Variants in CERS3 observed in about 807,000 individuals in gnomAD.
CERS3 encodes ceramide synthase 3.
Under a neutral mutation model 50.3 loss-of-function variants are expected in CERS3, and 33 were observed. That is an observed-to-expected ratio of 0.66 (90% CI 0.50 to 0.88). The LOEUF (loss-of-function observed/expected upper bound fraction) is 0.88. Among genes scored for constraint, CERS3 ranks in the 40% least tolerant of loss-of-function variants. The pLI, the probability that CERS3 is intolerant of heterozygous loss-of-function variation, is 0.00. For missense variants in CERS3, 470 were observed against 460.3 expected (o/e 1.02, Z -0.19); for synonymous variants, 176 against 155.2 (o/e 1.13, Z -0.99).
At chr15:100,498,514 A>C (rs1387106695) in intron 3 of CERS3, among the ~76,000 whole-genome samples, 1 of 152,182 alleles carries the variant, frequency 6.6e-6, no homozygotes. Flanking sequence ...TGAGAGGAAG[A>C]AAAAAGAATG....
chr15:100,517,050 G>C (rs926823509), intron 2 of CERS3, among the ~76,000 whole-genome samples: 1 of 152,214 alleles, frequency 6.6e-6, no homozygotes, highest in Non-Finnish European at 1.5e-5. Flanking sequence ...TCCTCACAGA[G>C]CCTGAAAGCT....
chr15:100,458,721 C>T (rs905049737), intron 10 of CERS3, among the ~76,000 whole-genome samples: 38 of 152,100 alleles, frequency 2.5e-4, no homozygotes, highest in African/African-American at 2.2e-4. Context: ...TTTTGTTAAA[C>T]GATTTAGGAT....
intron 3 of CERS3, among the ~76,000 whole-genome samples, chr15:100,498,228 T>C (rs932917154): frequency 7.2e-5 from 11 of 152,150 alleles, no homozygotes; most frequent in African/African-American, 2.7e-4. Flanking sequence ...AGAGTATAGA[T>C]ATAAATGTAG....
intron 11 of CERS3, among the ~76,000 whole-genome samples, chr15:100,444,440 C>T (rs942094956): frequency 5.6e-4 from 84 of 151,256 alleles, no homozygotes; most frequent in African/African-American, 1.9e-3. Context: ...CATTTCCCCA[C>T]ATTTCCTTCT....
chr15:100,420,546 A>C (rs1310984316), intron 11 of CERS3, among the ~76,000 whole-genome samples: 1 of 152,056 alleles, frequency 6.6e-6, no homozygotes, highest in Non-Finnish European at 1.5e-5. Context: ...TATTCCAATC[A>C]ATAGAAAAAG....
At chr15:100,461,318 T>C (rs560285025) in intron 10 of CERS3, among the ~76,000 whole-genome samples, 2 of 152,232 alleles carry the variant, frequency 1.3e-5, no homozygotes, top group South Asian at 4.1e-4. Flanking sequence ...ACAAACTGTA[T>C]AGCCCTCAGA....
chr15:100,480,182 G>A (rs895348352), intron 5 of CERS3, 136 bp from the exon 6 acceptor site: 5 of 670,388 alleles, frequency 7.5e-6, no homozygotes, highest in East Asian at 5.4e-5. Context: ...TCCTGGCTCT[G>A]CCCCACTTAT....
chr15:100,506,033 T>C (rs2036167269), intron 2 of CERS3, among the ~76,000 whole-genome samples: 1 of 152,026 alleles, frequency 6.6e-6, no homozygotes, highest in Admixed American at 6.6e-5. Flanking sequence ...GCCTATGGGG[T>C]GTCTTTGTGA....
intron 10 of CERS3, among the ~76,000 whole-genome samples, chr15:100,461,315 G>T (rs541359934): frequency 1.3e-5 from 2 of 152,202 alleles, no homozygotes; most frequent in African/African-American, 4.8e-5. Flanking sequence ...TTTACAAACT[G>T]TATAGCCCTC....
At chr15:100,455,192 A>C (rs1463868914) in intron 11 of CERS3, among the ~76,000 whole-genome samples, 2 of 152,196 alleles carry the variant, frequency 1.3e-5, no homozygotes, top group Non-Finnish European at 2.9e-5. Flanking sequence ...GATTTCTCAA[A>C]AACTAAATGT....
intron 11 of CERS3, among the ~76,000 whole-genome samples, chr15:100,423,261 T>C (rs2032580385): frequency 6.6e-6 from 1 of 152,146 alleles, no homozygotes; most frequent in African/African-American, 2.4e-5. Context: ...AGCAATCCTA[T>C]TACTGGGTAT....
At chr15:100,448,239 G>C (rs2585238) in intron 11 of CERS3, among the ~76,000 whole-genome samples, 145,578 of 152,272 alleles carry the variant, frequency 0.96, 69,663 homozygotes, top group East Asian at 0.98. Context: ...CTCCTCCACA[G>C]AGGAACCAAA....
At chr15:100,524,727 T>C (rs2036737037) in intron 1 of CERS3, among the ~76,000 whole-genome samples, 1 of 152,234 alleles carries the variant, frequency 6.6e-6, no homozygotes, top group Admixed American at 6.5e-5. Flanking sequence ...AAGTTAGTTA[T>C]TAAATGATGT....
At chr15:100,417,763 G>A (rs2032062779) in intron 11 of CERS3, among the ~76,000 whole-genome samples, 1 of 151,776 alleles carries the variant, frequency 6.6e-6, no homozygotes, top group South Asian at 2.1e-4. Flanking sequence ...CCTCAAGTAG[G>A]TCCCTGACCC....
At chr15:100,470,429 C>A (rs1193237495) in intron 9 of CERS3, among the ~76,000 whole-genome samples, 1 of 152,108 alleles carries the variant, frequency 6.6e-6, no homozygotes, top group African/African-American at 2.4e-5. Flanking sequence ...GGCAGAGGGC[C>A]CCCAGAGAAC....
intron 3 of CERS3, among the ~76,000 whole-genome samples, chr15:100,497,353 T>TATAG (rs1555531994): frequency 1.3e-3 from 200 of 151,462 alleles, no homozygotes; most frequent in African/African-American, 4.6e-3. Context: ...TATATATATA[T>TATAG]AGAGAGAAAA....
intron 10 of CERS3, among the ~76,000 whole-genome samples, chr15:100,459,298 A>G (rs1324948029): frequency 6.6e-6 from 1 of 152,046 alleles, no homozygotes; most frequent in East Asian, 1.9e-4. Context: ...ATTACTTGTA[A>G]ATACATTTTT....
At chr15:100,408,164 A>G (rs2142050668) in intron 11 of CERS3, among the ~76,000 whole-genome samples, 1 of 152,214 alleles carries the variant, frequency 6.6e-6, no homozygotes, top group African/African-American at 2.4e-5. Flanking sequence ...AAGCCACCAC[A>G]CTCGGCCAAT....
At position 100,473,122 on chromosome 15, in the gene CERS3, C is replaced by A. The variant is rs1215290391; in HGVS notation, c.610-70G>T. The A allele has an allele frequency of 8.1e-6, 12 of 1,474,122 alleles. No homozygotes were observed. The African/African-American group carries it at 1.5e-4, about 19-fold the overall frequency. The allele number at this position is 1,474,122 out of a possible 1,614,324, so 91.3% of individuals were successfully genotyped here. A position where few individuals can be genotyped will look rare whatever the true frequency, so the allele number is the denominator to read the frequency against. On this transcript the variant is annotated intron_variant, in intron 8 of 11. Transcript: ENST00000679737. ...TTTCCCAATCACTGGAAGAGATAAT[C>A]ATAATAATAATGAGACCAATAACTT...
Sources: gnomAD v4.1 joint callset for allele counts (sites outside exome capture counted in the v4.1 genomes callset) on GRCh38, gnomAD v4.1.1 for gene constraint, MANE v1.5 for transcripts, NCBI Gene and HGNC (gene_info 2026-07-23, HGNC 2026-07-21) for gene names.